Variants in RNF185 observed in about 807,000 individuals in gnomAD.
RNF185 encodes E3 ubiquitin-protein ligase RNF185.
Under a neutral mutation model 24.9 loss-of-function variants are expected in RNF185, and 13 were observed. The ratio of observed to expected loss-of-function variants is 0.52; its 90% confidence interval spans 0.34 to 0.83. The LOEUF (loss-of-function observed/expected upper bound fraction) is 0.83. Among genes scored for constraint, RNF185 ranks in the 40% least tolerant of loss-of-function variants. The pLI is 0.01. For synonymous variants in RNF185, 79 were observed against 90.3 expected (o/e 0.88, Z 0.71); for missense variants, 184 against 244.7 (o/e 0.75, Z 1.65).
At chr22:31,168,359 A>G (rs1189911168) in intron 1 of RNF185, among the ~76,000 whole-genome samples, 1 of 152,114 alleles carries the variant, frequency 6.6e-6, no homozygotes, top group Non-Finnish European at 1.5e-5. Flanking sequence ...TTCACCTAAC[A>G]TGATGTTCTT....
At chr22:31,199,113 A>T (rs1043731892) in intron 5 of RNF185, among the ~76,000 whole-genome samples, 1 of 151,846 alleles carries the variant, frequency 6.6e-6, no homozygotes, top group East Asian at 1.9e-4. Context: ...AAAAAAAAAA[A>T]AGAAAGAAAG....
At chr22:31,180,913 C>CTGTG (rs751657598) in intron 1 of RNF185, among the ~76,000 whole-genome samples, 440 of 60,862 alleles carry the variant, frequency 7.2e-3, no homozygotes, top group Non-Finnish European at 9.2e-3. Flanking sequence ...TTCTCTCTCT[C>CTGTG]TCTGTGTGTG....
intron 2 of RNF185, among the ~76,000 whole-genome samples, chr22:31,190,953 T>C (rs1961466569): frequency 6.6e-6 from 1 of 152,242 alleles, no homozygotes; most frequent in Non-Finnish European, 1.5e-5. Context: ...CTGTTACAGT[T>C]ACCTATGATA....
intron 1 of RNF185, among the ~76,000 whole-genome samples, chr22:31,172,921 T>C (rs1364254135): frequency 1.3e-5 from 2 of 152,246 alleles, no homozygotes. Context: ...CATGGTGTTA[T>C]ACTAGAAATT....
At chr22:31,181,753 G>A (rs1476643960) in intron 1 of RNF185, among the ~76,000 whole-genome samples, 2 of 151,188 alleles carry the variant, frequency 1.3e-5, no homozygotes, top group Non-Finnish European at 2.9e-5. Flanking sequence ...CTATCGCAAG[G>A]ACAAAAAACC....
intron 1 of RNF185, among the ~76,000 whole-genome samples, chr22:31,164,947 A>G (rs887193853): frequency 6.7e-6 from 1 of 149,434 alleles, no homozygotes; most frequent in Non-Finnish European, 1.5e-5. Context: ...TTTCACTCTT[A>G]TTGCCCAGGC....
At chr22:31,184,866 T>A (rs958218825) in intron 1 of RNF185, among the ~76,000 whole-genome samples, 8 of 141,356 alleles carry the variant, frequency 5.7e-5, no homozygotes, top group African/African-American at 2.2e-4. Context: ...ATGGCGGCAG[T>A]ACTGTCCAGC....
At chr22:31,169,857 A>G (rs554001421) in intron 1 of RNF185, among the ~76,000 whole-genome samples, 3 of 151,604 alleles carry the variant, frequency 2.0e-5, no homozygotes, top group East Asian at 3.9e-4. Flanking sequence ...TTCAAACCGT[A>G]CTTCTCTACT....
At chr22:31,178,475 C>G (rs575067861) in intron 1 of RNF185, among the ~76,000 whole-genome samples, 1 of 152,264 alleles carries the variant, frequency 6.6e-6, no homozygotes, top group South Asian at 2.1e-4. Context: ...ATTCTTAGGC[C>G]TGATCTAGGT....
At chr22:31,185,967 T>C (rs1268482212) in intron 1 of RNF185, among the ~76,000 whole-genome samples, 1 of 152,168 alleles carries the variant, frequency 6.6e-6, no homozygotes, top group East Asian at 1.9e-4. Flanking sequence ...TGCAGTTTCC[T>C]AAAGAAATTG....
chr22:31,197,723 G>GT lies in RNF185; in HGVS notation c.363+742dup, dbSNP rs373981062. 2.9e-3 allele frequency among the ~76,000 whole-genome samples: 444 copies of GT among 151,204 alleles called. 1 individual carries two copies. Among genetic ancestry groups the GT allele is most frequent in the African/African-American group, 9.8e-3 (403 of 41,248 alleles). On this transcript the variant is annotated intron_variant, in intron 5 of 6. Coordinates refer to ENST00000326132, the MANE Select transcript of RNF185 (RefSeq NM_152267.4). Reference sequence around the variant, plus strand: ...GCACCATGCCCAGCTAGTTTTTTGAGTTTTTTTTTGTCTTTCTTTTTTTTG... The same window carrying GT: ...GCACCATGCCCAGCTAGTTTTTTGAGTTTTTTTTTTGTCTTTCTTTTTTTTG...
chr22:31,176,855 G>C (rs1267298867), intron 1 of RNF185, among the ~76,000 whole-genome samples: 1 of 152,162 alleles, frequency 6.6e-6, no homozygotes, highest in Non-Finnish European at 1.5e-5. Flanking sequence ...AATCTCTGTG[G>C]AAGCATTATT....
rs1213230382 is a variant in RNF185 at position 31,206,271 on chromosome 22, T to A, written c.*1685T>A. The A allele has an allele frequency of 6.6e-6, 1 of 152,522 alleles. No individual in the cohort carries two copies. Among genetic ancestry groups the A allele is most frequent in the African/African-American group, 2.4e-5 (1 of 41,392 alleles). 9.4% of individuals were successfully genotyped at this position (152,522 alleles called of 1,614,324 possible). A position where few individuals can be genotyped will look rare whatever the true frequency, so the allele number is the denominator to read the frequency against. Reference sequence around the variant, plus strand: ...GTGTTTAAACAGACAAAATATAAAGTATTGAGTAGGTGGTTCATATGCCGA... The same window carrying A: ...GTGTTTAAACAGACAAAATATAAAGAATTGAGTAGGTGGTTCATATGCCGA... On this transcript the variant is annotated 3_prime_UTR_variant, in exon 7 of 7. Transcript: ENST00000326132.
chr22:31,163,212 AATG>A (rs1184594864), intron 1 of RNF185, among the ~76,000 whole-genome samples: 9 of 152,192 alleles, frequency 5.9e-5, no homozygotes, highest in African/African-American at 1.9e-4. Flanking sequence ...TGGGTGCTTT[AATG>A]CTACTCAGTG....
chr22:31,173,765 TAAG>T (rs943030274), intron 1 of RNF185, among the ~76,000 whole-genome samples: 1 of 152,214 alleles, frequency 6.6e-6, no homozygotes, highest in Non-Finnish European at 1.5e-5. Flanking sequence ...CTTATAGTGA[TAAG>T]AAATATAACA....
chr22:31,177,759 A>G (rs2047996671), intron 1 of RNF185, among the ~76,000 whole-genome samples: 1 of 152,226 alleles, frequency 6.6e-6, no homozygotes, highest in Non-Finnish European at 1.5e-5. Context: ...TAGTCTTCAT[A>G]TCTAAGATTA....
At chr22:31,168,005 GT>G (rs1350834254) in intron 1 of RNF185, among the ~76,000 whole-genome samples, 1 of 152,108 alleles carries the variant, frequency 6.6e-6, no homozygotes, top group Non-Finnish European at 1.5e-5. Context: ...GTACATTCAT[GT>G]TCTAGAAACA....
intron 1 of RNF185, among the ~76,000 whole-genome samples, chr22:31,166,283 G>A (rs1392100178): frequency 6.6e-6 from 1 of 151,880 alleles, no homozygotes; most frequent in Non-Finnish European, 1.5e-5. Context: ...GAGCCACCAT[G>A]CCCTGCCGAT....
intron 1 of RNF185, among the ~76,000 whole-genome samples, chr22:31,180,772 G>A (rs900810355): frequency 2.6e-5 from 4 of 152,090 alleles, no homozygotes; most frequent in Non-Finnish European, 5.9e-5. Context: ...TTTTAAAAAT[G>A]TTCTTGTGAA....
Sources: gnomAD v4.1 joint callset for allele counts (sites outside exome capture counted in the v4.1 genomes callset) on GRCh38, gnomAD v4.1.1 for gene constraint, MANE v1.5 for transcripts, NCBI Gene and HGNC (gene_info 2026-07-23, HGNC 2026-07-21) for gene names.